GNG7: variants seen among roughly 807,000 people sequenced by gnomAD.
GNG7 encodes the protein G protein subunit gamma 7.
In GNG7, 1 loss-of-function variant was observed where a neutral mutation model predicts 4.0. The observed-to-expected ratio is 0.25, with a 90% CI of 0.09 to 1.18. The LOEUF is 1.18. GNG7 is among the 50% of genes most tolerant of loss of function. GNG7 has a pLI of 0.50. For missense variants in GNG7, 86 were observed against 91.9 expected (o/e 0.94, Z 0.26); for synonymous variants, 34 against 36.9 (o/e 0.92, Z 0.29).
At chr19:2,689,622 C>CAAA (rs58020172) in intron 1 of GNG7, among the ~76,000 whole-genome samples, 11 of 37,952 alleles carry the variant, frequency 2.9e-4, no homozygotes, top group African/African-American at 6.1e-4. Flanking sequence ...GACTCCAACT[C>CAAA]AAAAAAAAAA....
chr19:2,594,395 GAA>G, intron 2 of GNG7, among the ~76,000 whole-genome samples: 1 of 127,194 alleles, frequency 7.9e-6, no homozygotes, highest in African/African-American at 2.8e-5. Flanking sequence ...AAGAAGGAAA[GAA>G]AGAAGGAGGG....
In GNG7 at chr19:2,626,166, G is replaced by A. The variant is rs1982015826; in HGVS notation, c.-78+20058C>T. On this transcript the variant is annotated intron_variant, in intron 2 of 4. Coordinates refer to ENST00000382159, the MANE Select transcript of GNG7 (RefSeq NM_052847.3). This position sits in a 1 kb window ranked among gnomAD's most constrained non-coding sequence, Gnocchi z 5.0. ...CCCCCCATTTTACCAAACAGAAGCA[G>A]AGAGTGACCGCGGGTGCCCACCTGA... Among the ~76,000 whole-genome samples, 1 of 152,110 alleles carries A rather than the reference G, an allele frequency of 6.6e-6. No individual in the cohort carries two copies. The highest frequency in any genetic ancestry group is 6.5e-5 in the Admixed American group (1 of 15,276).
chr19:2,551,628 TATAAAAACACATATAC>T (rs1456380696), intron 3 of GNG7, among the ~76,000 whole-genome samples: 76 of 145,716 alleles, frequency 5.2e-4, no homozygotes, highest in African/African-American at 1.1e-3. Context: ...TTTATAAATA[TATAAAAACACATATAC>T]ATATTTATAA....
At chr19:2,661,285 A>AGGAAAG (rs372826185) in intron 1 of GNG7, among the ~76,000 whole-genome samples, 2 of 64,674 alleles carry the variant, frequency 3.1e-5, no homozygotes, top group East Asian at 6.4e-4. Context: ...AAAGAAAGAA[A>AGGAAAG]GAAAGAAAGA....
chr19:2,698,844 T>C (rs1464645737), intron 1 of GNG7, among the ~76,000 whole-genome samples: 1 of 152,088 alleles, frequency 6.6e-6, no homozygotes, highest in Admixed American at 6.5e-5. Flanking sequence ...GTGAGGGTAA[T>C]TTGTGTTTAG....
chr19:2,675,054 G>C (rs937047521), intron 1 of GNG7, among the ~76,000 whole-genome samples: 1 of 152,128 alleles, frequency 6.6e-6, no homozygotes, highest in Non-Finnish European at 1.5e-5. Flanking sequence ...TCACACACTC[G>C]GGACTGGTAA....
chr19:2,683,275 C>T (rs908912917), intron 1 of GNG7, among the ~76,000 whole-genome samples: 7 of 151,500 alleles, frequency 4.6e-5, no homozygotes, highest in Non-Finnish European at 8.8e-5. Flanking sequence ...CACTATGTTG[C>T]CCTAGGCCAG....
At position 2,633,639 on chromosome 19, in the gene GNG7, C is replaced by A. The variant is rs1159925457; in HGVS notation, c.-78+12585G>T. ...CTCAATCAGTAGAGTCAGGTGGTCGCAATAACAGCTCTGAAACGGGGATTC... is the reference window on the plus strand; with the variant it reads ...CTCAATCAGTAGAGTCAGGTGGTCGAAATAACAGCTCTGAAACGGGGATTC... On this transcript the variant is annotated intron_variant, in intron 2 of 4. Transcript: ENST00000382159. The surrounding 1 kb of genome is among the most constrained non-coding windows in gnomAD (Gnocchi z 5.9). 6.6e-6 allele frequency among the ~76,000 whole-genome samples: 1 copy of A among 151,912 alleles called. No individual in the cohort carries two copies. The highest frequency in any genetic ancestry group is 2.4e-5 in the African/African-American group (1 of 41,364).
chr19:2,517,927 G>A (rs1978291363), intron 4 of GNG7, among the ~76,000 whole-genome samples: 1 of 152,198 alleles, frequency 6.6e-6, no homozygotes, highest in African/African-American at 2.4e-5. Flanking sequence ...GCCCAGCTGG[G>A]CAGCCGGGGG....
chr19:2,515,116 T>C lies in GNG7; in HGVS notation c.113A>G (p.Tyr38Cys). The C allele has an allele frequency of 2.5e-6, 4 of 1,613,890 alleles. No homozygotes were observed. Among genetic ancestry groups the C allele is most frequent in the Non-Finnish European group, 3.4e-6 (4 of 1,179,868 alleles). The change falls in exon 5 of 5, where the codon TAC (tyrosine) becomes TGC (cysteine). Residue 38 changes from tyrosine (Y) to cysteine (C), a missense_variant. Coordinates refer to ENST00000382159, the MANE Select transcript of GNG7 (RefSeq NM_052847.3). ...GTCGTTCCGGGCATGTTGCTCACAG[T>C]AGCTCATGAGGTCAGACGCCGCTTT... ...VSKAASDLMSYCEQHARNDPL... is the reference protein window; with the variant it reads ...VSKAASDLMSCCEQHARNDPL...
At chr19:2,537,237 C>T (rs1397491566) in intron 3 of GNG7, among the ~76,000 whole-genome samples, 1 of 151,954 alleles carries the variant, frequency 6.6e-6, no homozygotes, top group African/African-American at 2.4e-5. Flanking sequence ...GCATGAGCCA[C>T]CGCGCCCGGC....
chr19:2,524,173 C>G (rs1015963236), intron 3 of GNG7, among the ~76,000 whole-genome samples: 6 of 151,612 alleles, frequency 4.0e-5, no homozygotes, highest in Admixed American at 2.6e-4. Context: ...GACCCTGGGC[C>G]CCTGCTGCCC....
At chr19:2,566,929 C>A (rs1359900232) in intron 2 of GNG7, among the ~76,000 whole-genome samples, 2 of 151,996 alleles carry the variant, frequency 1.3e-5, no homozygotes, top group African/African-American at 2.4e-5. Flanking sequence ...ATGGTGAAAC[C>A]CCGTGTCTAC....
At chr19:2,540,645 G>A (rs1384532545) in intron 3 of GNG7, among the ~76,000 whole-genome samples, 1 of 152,166 alleles carries the variant, frequency 6.6e-6, no homozygotes, top group African/African-American at 2.4e-5. Context: ...GCTGAGGCTG[G>A]AGCATCCCGA....
chr19:2,553,226 G>A (rs1339555858), intron 3 of GNG7, among the ~76,000 whole-genome samples: 1 of 151,000 alleles, frequency 6.6e-6, no homozygotes, highest in East Asian at 1.9e-4. Context: ...GGCATTATCA[G>A]AGAACACGGT....
intron 2 of GNG7, among the ~76,000 whole-genome samples, chr19:2,571,503 G>A (rs960570434): frequency 3.3e-5 from 5 of 151,854 alleles, no homozygotes; most frequent in African/African-American, 9.7e-5. Flanking sequence ...TGGGTAGCGT[G>A]CAGGGGTGGC....
intron 1 of GNG7, among the ~76,000 whole-genome samples, chr19:2,690,889 C>T (rs931046789): frequency 6.6e-6 from 1 of 152,170 alleles, no homozygotes; most frequent in Admixed American, 6.6e-5. Context: ...CCACCGCGCC[C>T]GGCCAGGGCA....
At chr19:2,621,653 C>T (rs1981873423) in intron 2 of GNG7, among the ~76,000 whole-genome samples, 1 of 151,320 alleles carries the variant, frequency 6.6e-6, no homozygotes, top group African/African-American at 2.4e-5. Flanking sequence ...GCCAAGATGG[C>T]ACCACTGCAC....
chr19:2,682,436 G>A (rs534155093), intron 1 of GNG7, among the ~76,000 whole-genome samples: 111 of 151,688 alleles, frequency 7.3e-4, no homozygotes, highest in African/African-American at 2.3e-3. Context: ...AGGCCAAGGC[G>A]GGCGGATCAC....
Sources: gnomAD v4.1 joint callset for allele counts (sites outside exome capture counted in the v4.1 genomes callset) on GRCh38, gnomAD v4.1.1 for gene constraint, Gnocchi (gnomAD v3.1) non-coding constraint, MANE v1.5 for transcripts, NCBI Gene and HGNC (gene_info 2026-07-23, HGNC 2026-07-21) for gene names.